LPCAT4: variants seen among roughly 807,000 people sequenced by gnomAD.
LPCAT4 encodes the protein lysophospholipid acyltransferase LPCAT4.
In LPCAT4, 30 loss-of-function variants were observed where a neutral mutation model predicts 66.5. That is an observed-to-expected ratio of 0.45 (90% CI 0.34 to 0.61). The LOEUF is 0.61. LPCAT4 is among the 20% of genes least tolerant of loss of function. LPCAT4 has a pLI of 0.01. For synonymous variants in LPCAT4, 253 were observed against 262.1 expected, an observed-to-expected ratio of 0.97 and a Z score of 0.34; for missense variants, 557 against 656.7, an observed-to-expected ratio of 0.85 and a Z score of 1.66.
At chr15:34,362,759 C>T (rs747037321) in intron 8 of LPCAT4, 23 bp downstream of exon 8, 1 of 1,613,858 alleles carries the variant, frequency 6.2e-7, no homozygotes, top group African/African-American at 1.3e-5. Flanking sequence ...GTACTTCTCC[C>T]ACCGCCCCCA....
chr15:34,364,355 G>T, intron 3 of LPCAT4, 49 bp from the exon 4 acceptor site: 2 of 1,181,592 alleles, frequency 1.7e-6, no homozygotes, highest in Non-Finnish European at 2.5e-6. Flanking sequence ...CCTACCCAGG[G>T]GCAGTAACAT....
chr15:34,361,677 G>T (rs143944476), intron 10 of LPCAT4, 145 bp from the exon 11 acceptor site: 5 of 926,892 alleles, frequency 5.4e-6, no homozygotes, highest in Non-Finnish European at 8.0e-6. Flanking sequence ...ACAGTCCCTT[G>T]AGAGCACTTC....
At chr15:34,366,283 G>A (rs1051924476) in intron 1 of LPCAT4, among the ~76,000 whole-genome samples, 2 of 152,300 alleles carry the variant, frequency 1.3e-5, no homozygotes, top group South Asian at 4.1e-4. Context: ...GCTGCCAGGA[G>A]CCAGGATGAC....
At position 34,363,463 on chromosome 15, in the gene LPCAT4, G is replaced by A. The variant is rs1297130160; in HGVS notation, c.712-7C>T. 1 of 1,613,994 alleles carries A rather than the reference G, an allele frequency of 6.2e-7. No individual in the cohort carries two copies. Among genetic ancestry groups the A allele is most frequent in the African/African-American group, 1.3e-5 (1 of 74,894 alleles). On this transcript the variant is annotated splice_polypyrimidine_tract_variant and splice_region_variant and intron_variant, in intron 6 of 13. Coordinates refer to ENST00000314891, the MANE Select transcript of LPCAT4 (RefSeq NM_153613.3). This position sits in a 1 kb window ranked among gnomAD's most constrained non-coding sequence, Gnocchi z 4.3. ...ATGCCCAGCTGGTGGTGTCCTATGG[G>A]AGAAACACAGGTGAGGGCATAAGAG...
intron 1 of LPCAT4, chr15:34,365,996 A>C: frequency 5.9e-6 from 2 of 339,792 alleles, no homozygotes. Flanking sequence ...AGGATTTAAT[A>C]AGAATGCATG....
chr15:34,359,844 G>GTGGT (rs1301872089), intron 12 of LPCAT4, 99 bp from the exon 13 acceptor site: 1 of 1,308,416 alleles, frequency 7.6e-7, no homozygotes, highest in East Asian at 2.5e-5. Flanking sequence ...TTCCAAAAGG[G>GTGGT]TGGTGCACAA....
intron 8 of LPCAT4, 53 bp downstream of exon 8, chr15:34,362,729 A>G: frequency 1.2e-6 from 2 of 1,612,320 alleles, no homozygotes. Flanking sequence ...TCTTTTCCCA[A>G]GGTTTCAGGA....
At position 34,367,102 on chromosome 15, in the gene LPCAT4, G is replaced by T. The variant is rs746552018; in HGVS notation, c.-2C>A. On this transcript the variant is annotated 5_prime_UTR_variant, in exon 1 of 14. Transcript: ENST00000314891. ...GTCCCCCGGACTTCCCTGGCTCATG[G>T]CGGGAGAAGGTGGGAGGGAGGGCAC... 2 of 1,541,928 alleles carry T rather than the reference G, an allele frequency of 1.3e-6. No homozygotes were observed. The highest frequency in any genetic ancestry group is 2.4e-5 in the South Asian group (2 of 83,638).
intron 1 of LPCAT4, 118 bp downstream of exon 1, chr15:34,366,869 C>G: frequency 6.8e-7 from 1 of 1,475,976 alleles, no homozygotes. Context: ...ACTCCCGCTC[C>G]GCAAGCCTCT....
intron 1 of LPCAT4, among the ~76,000 whole-genome samples, chr15:34,366,707 C>T (rs1025315002): frequency 6.6e-6 from 1 of 151,454 alleles, no homozygotes; most frequent in Non-Finnish European, 1.5e-5. Context: ...CCCCAGCGTC[C>T]TTCATCTCTC....
In LPCAT4 at chr15:34,361,422, C is replaced by A. The variant is rs755342010; in HGVS notation, c.1121G>T (p.Gly374Val). The A allele has an allele frequency of 1.2e-6, 2 of 1,614,214 alleles. No homozygotes were observed. The highest frequency in any genetic ancestry group is 8.5e-7 in the Non-Finnish European group (1 of 1,180,034). ...LQLSDPQTVA[G>V]AFGYFQQDTK... ...TACCTGCTGGAAGTAGCCAAAGGCACCAGCCACCGTCTGAGGATCAGAGAG... is the reference window on the plus strand; with the variant it reads ...TACCTGCTGGAAGTAGCCAAAGGCAACAGCCACCGTCTGAGGATCAGAGAG... The change falls in exon 11 of 14, where the codon GGT becomes GTT. Residue 374 changes from glycine (G) to valine (V), a missense_variant. Transcript: ENST00000314891.
rs1364069048 is a variant in LPCAT4 at position 34,363,363 on chromosome 15, C to T, written c.746+59G>A. ...CTTGTCGGGAGATTGGAAGATGGGC[C>T]AGGAATTCTCTGATGGACCCTGCTC... is the stretch of plus-strand genomic sequence containing the variant. On this transcript the variant is annotated intron_variant, in intron 7 of 13. Coordinates refer to ENST00000314891, the MANE Select transcript of LPCAT4 (RefSeq NM_153613.3). This position sits in a 1 kb window ranked among gnomAD's most constrained non-coding sequence, Gnocchi z 4.3. 6.4e-7 allele frequency: 1 copy of T among 1,568,808 alleles called. No homozygotes were observed. The highest frequency in any genetic ancestry group is 1.8e-5 in the Admixed American group (1 of 55,434).
intron 1 of LPCAT4, 46 bp from the exon 2 acceptor site, chr15:34,365,747 C>T: frequency 1.3e-6 from 2 of 1,599,374 alleles, no homozygotes; most frequent in South Asian, 1.1e-5. Flanking sequence ...TGGATATGCT[C>T]CCTCCACAGC....
In LPCAT4 at chr15:34,365,715, G is replaced by A. The variant is rs773689892; in HGVS notation, c.115-14C>T. 6.2e-7 allele frequency: 1 copy of A among 1,613,014 alleles called. No homozygotes were observed. The highest frequency in any genetic ancestry group is 1.1e-5 in the South Asian group (1 of 91,008). On this transcript the variant is annotated splice_polypyrimidine_tract_variant and intron_variant, in intron 1 of 13. Coordinates refer to ENST00000314891, the MANE Select transcript of LPCAT4 (RefSeq NM_153613.3). Reference sequence around the variant, plus strand: ...CAGGAGGCAGAACTGCAAAGGGTGGGAGAGAATGCCACTTTAGAGCTTGGA... The same window carrying A: ...CAGGAGGCAGAACTGCAAAGGGTGGAAGAGAATGCCACTTTAGAGCTTGGA...
Position 34,363,651 on chromosome 15 carries a change from TAA to T in LPCAT4, c.711+8_711+9del. On this transcript the variant is annotated splice_region_variant and intron_variant, in intron 6 of 13. Transcript: ENST00000314891. This position sits in a 1 kb window ranked among gnomAD's most constrained non-coding sequence, Gnocchi z 4.3. ...TCCCCCTTTCCACTCTTTCTTGGAC[TAA>T]GACTCACCAGACTGTTGGGGTAGCG... The T allele has an allele frequency of 6.2e-7, 1 of 1,614,108 alleles. No homozygotes were observed. The highest frequency in any genetic ancestry group is 8.5e-7 in the Non-Finnish European group (1 of 1,179,984).
chr15:34,359,770 C>CCT, intron 12 of LPCAT4, 25 bp from the exon 13 acceptor site: 2 of 1,594,540 alleles, frequency 1.3e-6, no homozygotes, highest in Non-Finnish European at 1.7e-6. Flanking sequence ...GGATAAGAGT[C>CCT]AAGTTCTCTC....
rs573530645 is a variant in LPCAT4, at chr15:34,364,673, C to T, written c.478+335G>A. The T allele has an allele frequency of 2.9e-5, 8 of 280,060 alleles. No homozygotes were observed. In the South Asian group the frequency reaches 4.4e-4, roughly 15 times the overall value. 17.3% of individuals were successfully genotyped at this position (280,060 alleles called of 1,614,324 possible). A position where few individuals can be genotyped will look rare whatever the true frequency, so the allele number is the denominator to read the frequency against. ...TTCTCCATGTTGGTCAGGCTGGTCT[C>T]GAACTCCCGACCTCAGGTGATCCGC... is the stretch of plus-strand genomic sequence containing the variant. On this transcript the variant is annotated intron_variant, in intron 3 of 13. Coordinates refer to ENST00000314891, the MANE Select transcript of LPCAT4 (RefSeq NM_153613.3).
rs1243995847 is a variant in LPCAT4, at chr15:34,359,181, G to A, written c.1521C>T (p.Asn507=). Reference sequence around the variant, plus strand: ...CAGTCCCATTGGCCAGAGCAGTGGGGTTGCCTGGGGATGAGGCATTTGGTG... The same window carrying A: ...CAGTCCCATTGGCCAGAGCAGTGGGATTGCCTGGGGATGAGGCATTTGGTG... The part of the protein sequence containing the change: ...SQTPNASSPG[N]PTALANGTVQ... Residue 507 remains asparagine (N), a synonymous_variant, in exon 14 of 14, where the codon AAC becomes AAT. Transcript: ENST00000314891. 3 of 1,606,398 alleles carry A rather than the reference G, an allele frequency of 1.9e-6. No individual in the cohort carries two copies. The highest frequency in any genetic ancestry group is 2.2e-5 in the East Asian group (1 of 44,706).
intron 10 of LPCAT4, 47 bp from the exon 11 acceptor site, chr15:34,361,579 G>A (rs1890943587): frequency 6.2e-7 from 1 of 1,607,374 alleles, no homozygotes. Context: ...GTTTCCTTCT[G>A]GACACACCAT....
Sources: allele counts gnomAD v4.1 joint callset (sites outside exome capture counted in the v4.1 genomes callset), GRCh38; gene constraint gnomAD v4.1.1; non-coding constraint Gnocchi (gnomAD v3.1); transcripts MANE v1.5; gene names NCBI Gene and HGNC (gene_info 2026-07-23, HGNC 2026-07-21).